NAALADL2: variants seen among roughly 807,000 people sequenced by gnomAD.
NAALADL2 encodes inactive N-acetylated-alpha-linked acidic dipeptidase-like protein 2.
A neutral mutation model predicts 87.2 loss-of-function variants in NAALADL2; 76 were observed. The observed-to-expected ratio is 0.87, with a 90% CI of 0.72 to 1.05. The LOEUF (loss-of-function observed/expected upper bound fraction) is 1.05. Ranked by LOEUF, NAALADL2 falls within the 50% of genes least tolerant of loss-of-function variation. NAALADL2 has a pLI of 0.00. For synonymous variants in NAALADL2, 354 were observed against 331.0 expected (o/e 1.07, Z -0.75); for missense variants, 1,089 against 945.8 (o/e 1.15, Z -1.99).
At chr3:175,432,834 A>G (rs1717991101) in intron 5 of NAALADL2, among the ~76,000 whole-genome samples, 1 of 152,020 alleles carries the variant, frequency 6.6e-6, no homozygotes, top group Non-Finnish European at 1.5e-5. Flanking sequence ...CATGCTGACC[A>G]CTCAGCATTC....
intron 1 of NAALADL2, among the ~76,000 whole-genome samples, chr3:174,445,384 A>G (rs1240791172): frequency 1.3e-5 from 2 of 152,250 alleles, no homozygotes; most frequent in East Asian, 3.9e-4. Flanking sequence ...TTAGGGGCCT[A>G]TAATTATAGT....
chr3:175,799,973 T>G (rs1229126458), intron 13 of NAALADL2, among the ~76,000 whole-genome samples: 1 of 152,194 alleles, frequency 6.6e-6, no homozygotes, highest in Non-Finnish European at 1.5e-5. Flanking sequence ...TTTCCGAGTA[T>G]ACAGGGGAAT....
intron 2 of NAALADL2, among the ~76,000 whole-genome samples, chr3:174,595,719 A>C (rs1717826720): frequency 6.6e-6 from 1 of 152,148 alleles, no homozygotes; most frequent in African/African-American, 2.4e-5. Context: ...TTAAGAAAAC[A>C]ACAAAAACAG....
chr3:175,405,303 T>C (rs1374808122), intron 5 of NAALADL2, among the ~76,000 whole-genome samples: 2 of 152,106 alleles, frequency 1.3e-5, no homozygotes, highest in African/African-American at 2.4e-5. Context: ...TAAATAATTA[T>C]TGTGGTGGTG....
At position 174,998,505 on chromosome 3, in the gene NAALADL2, T is replaced by G. The variant is rs112017579; in HGVS notation, c.44-98285T>G. ...GGAGCTTAATTTAGGTTTTCTGATC[T>G]GCAGTTCATTGCCCTCCATCACTAA... is the stretch of plus-strand genomic sequence containing the variant. On this transcript the variant is annotated intron_variant, in intron 1 of 13. Transcript: ENST00000454872. 2.0e-4 allele frequency among the ~76,000 whole-genome samples: 31 copies of G among 152,352 alleles called. 1 individual carries two copies. Among genetic ancestry groups the G allele is most frequent in the Non-Finnish European group, 3.2e-4 (22 of 68,028 alleles).
intron 10 of NAALADL2, among the ~76,000 whole-genome samples, chr3:175,587,090 C>A (rs1396594304): frequency 6.6e-6 from 1 of 152,290 alleles, no homozygotes; most frequent in East Asian, 1.9e-4. Context: ...CCCTGACTCC[C>A]TCTGATGGAC....
intron 5 of NAALADL2, among the ~76,000 whole-genome samples, chr3:175,432,610 C>G (rs1381294707): frequency 1.3e-5 from 2 of 151,994 alleles, no homozygotes; most frequent in Non-Finnish European, 2.9e-5. Context: ...CATGTTGATT[C>G]TTTTGCCTGG....
chr3:175,751,066 T>A (rs1746565985), intron 12 of NAALADL2, among the ~76,000 whole-genome samples: 1 of 152,166 alleles, frequency 6.6e-6, no homozygotes, highest in South Asian at 2.1e-4. Flanking sequence ...TCAACTATAT[T>A]GTATTATATT....
intron 1 of NAALADL2, among the ~76,000 whole-genome samples, chr3:174,987,383 A>C (rs1446960070): frequency 4.0e-5 from 6 of 150,114 alleles, no homozygotes; most frequent in African/African-American, 9.8e-5. Flanking sequence ...TCCCGGCTAA[A>C]ACGGTGAAAC....
At chr3:174,880,863 T>C (rs887456480) in intron 1 of NAALADL2, among the ~76,000 whole-genome samples, 4 of 152,154 alleles carry the variant, frequency 2.6e-5, no homozygotes, top group African/African-American at 9.7e-5. Flanking sequence ...TAGATCCATA[T>C]TGAGGCTCTG....
chr3:175,026,848 G>A (rs966338134), intron 1 of NAALADL2, among the ~76,000 whole-genome samples: 1 of 152,116 alleles, frequency 6.6e-6, no homozygotes, highest in Admixed American at 6.6e-5. Flanking sequence ...GTGTACTGGG[G>A]AGCACATCTA....
At chr3:174,633,518 A>C (rs1305644019) in intron 2 of NAALADL2, among the ~76,000 whole-genome samples, 4 of 152,210 alleles carry the variant, frequency 2.6e-5, no homozygotes, top group Non-Finnish European at 5.9e-5. Flanking sequence ...GTAGTGTATG[A>C]GGCAATAAAT....
Position 175,693,373 on chromosome 3 carries a change from G to A in NAALADL2, c.1897-43933G>A, listed in dbSNP as rs112625510. On this transcript the variant is annotated intron_variant, in intron 11 of 13. Coordinates refer to ENST00000454872, the MANE Select transcript of NAALADL2 (RefSeq NM_207015.3). ...GCTAAATTCCACCCCAAATCACATT[G>A]ATACACAAGCTGGAGTAACCCAATG... 7.7e-3 allele frequency among the ~76,000 whole-genome samples: 1,174 copies of A among 152,192 alleles called. 16 individuals are homozygous for A. The highest frequency in any genetic ancestry group is 0.027 in the African/African-American group (1,106 of 41,528).
At chr3:175,380,412 A>C (rs957605623) in intron 5 of NAALADL2, among the ~76,000 whole-genome samples, 5 of 152,124 alleles carry the variant, frequency 3.3e-5, no homozygotes, top group South Asian at 2.1e-4. Flanking sequence ...GACACTTTTC[A>C]GTGTCAGCAT....
chr3:175,301,463 G>A lies in NAALADL2; in HGVS notation c.940-22712G>A, dbSNP rs1477514106. The stretch of plus-strand genomic sequence containing the variant: ...CATAAATACTGCAAAAACGCATGTA[G>A]CTGTCTTTTCTGTTTTGCATTCTTA... On this transcript the variant is annotated intron_variant, in intron 4 of 13. Coordinates refer to ENST00000454872, the MANE Select transcript of NAALADL2 (RefSeq NM_207015.3). 2.0e-5 allele frequency among the ~76,000 whole-genome samples: 3 copies of A among 152,072 alleles called. No individual in the cohort carries two copies. The East Asian group carries it at 5.8e-4, about 29-fold the overall frequency.
At chr3:174,573,887 A>G (rs1292971583) in intron 2 of NAALADL2, among the ~76,000 whole-genome samples, 2 of 152,172 alleles carry the variant, frequency 1.3e-5, no homozygotes, top group Non-Finnish European at 1.5e-5. Context: ...AATGTACCAT[A>G]TCTAAACCAT....
intron 11 of NAALADL2, among the ~76,000 whole-genome samples, chr3:175,677,367 A>T (rs6807815): frequency 0.011 from 1,658 of 152,174 alleles, 27 homozygotes; most frequent in African/African-American, 0.035. Context: ...GTCAAAAAAA[A>T]AAATAAATAA....
Position 175,079,609 on chromosome 3 carries a change from C to T in NAALADL2, c.44-17181C>T, listed in dbSNP as rs564823171. 2.0e-5 allele frequency: 3 copies of T among 152,148 alleles called. No homozygotes were observed. In the East Asian group the frequency reaches 5.8e-4, roughly 29 times the overall value. 9.4% of individuals were successfully genotyped at this position (152,148 alleles called of 1,614,324 possible). ...CTATCTGGGTCTAAAGCAGGAGATT[C>T]GAGATATTGACATAAACAACTCCAT... On this transcript the variant is annotated intron_variant, in intron 1 of 13. Transcript: ENST00000454872.
chr3:174,683,911 T>G (rs1191817717), intron 2 of NAALADL2, among the ~76,000 whole-genome samples: 1 of 151,996 alleles, frequency 6.6e-6, no homozygotes, highest in Non-Finnish European at 1.5e-5. Flanking sequence ...TAGCTTAGGT[T>G]TTAGAGATTA....
Sources: allele counts gnomAD v4.1 joint callset (sites outside exome capture counted in the v4.1 genomes callset), GRCh38; gene constraint gnomAD v4.1.1; transcripts MANE v1.5; gene names NCBI Gene and HGNC (gene_info 2026-07-23, HGNC 2026-07-21).